Variants in HEATR5A observed in about 807,000 individuals in gnomAD.
HEATR5A encodes HEAT repeat-containing protein 5A.
HEATR5A carries 178 observed loss-of-function variants against 218.8 expected under a neutral mutation model. The observed-to-expected ratio is 0.81, with a 90% CI of 0.72 to 0.92. The LOEUF (loss-of-function observed/expected upper bound fraction) is 0.92. Among genes scored for constraint, HEATR5A ranks in the 40% least tolerant of loss-of-function variants. HEATR5A has a pLI of 0.00. For synonymous variants in HEATR5A, 864 were observed against 871.6 expected (o/e 0.99, Z 0.15); for missense variants, 2,420 against 2,418.9 (o/e 1.00, Z -0.01).
intron 16 of HEATR5A, among the ~76,000 whole-genome samples, chr14:31,354,575 A>G (rs1392624347): frequency 2.0e-5 from 3 of 152,230 alleles, no homozygotes; most frequent in Non-Finnish European, 1.5e-5. Flanking sequence ...ATACTGAATT[A>G]GTACTCATAA....
intron 1 of HEATR5A, among the ~76,000 whole-genome samples, chr14:31,414,942 G>T (rs1314030582): frequency 6.6e-6 from 1 of 152,166 alleles, no homozygotes; most frequent in East Asian, 1.9e-4. Flanking sequence ...CCAGGTTCCA[G>T]TGATTTTCCT....
At chr14:31,420,296 G>A (rs1275451385) in intron 1 of HEATR5A, 176 bp downstream of exon 1, 1 of 152,220 alleles carries the variant, frequency 6.6e-6, no homozygotes, top group Non-Finnish European at 1.5e-5. Flanking sequence ...CCCTCGACCG[G>A]TTCTCCCACC....
intron 16 of HEATR5A, among the ~76,000 whole-genome samples, chr14:31,358,004 T>C (rs190583786): frequency 9.6e-4 from 146 of 152,296 alleles, no homozygotes; most frequent in Middle Eastern, 3.4e-3. Flanking sequence ...AGATCAGCAG[T>C]GGCATTAGAT....
At position 31,312,414 on chromosome 14, in the gene HEATR5A, C is replaced by CT. The variant is rs1252761450; in HGVS notation, c.4441+553dup. Among the ~76,000 whole-genome samples the CT allele has an allele frequency of 3.0e-3, 414 of 137,546 alleles. 2 individuals carry two copies. Among genetic ancestry groups the CT allele is most frequent in the South Asian group, 4.0e-3 (17 of 4,288 alleles). 90.2% of individuals were successfully genotyped at this position (137,546 alleles called of 152,430 possible). A position where few individuals can be genotyped will look rare whatever the true frequency, so the allele number is the denominator to read the frequency against. On this transcript the variant is annotated intron_variant, in intron 28 of 35. Transcript: ENST00000543095. ...AAAACAAGTTGCTGGTGGGTGTGTCCTTTTTTTTTTTTTTTGAGACAGAGT... is the reference window on the plus strand; with the variant it reads ...AAAACAAGTTGCTGGTGGGTGTGTCCTTTTTTTTTTTTTTTTGAGACAGAGT...
intron 9 of HEATR5A, among the ~76,000 whole-genome samples, chr14:31,385,903 T>C (rs2030199969): frequency 6.6e-6 from 1 of 152,110 alleles, no homozygotes; most frequent in African/African-American, 2.4e-5. Context: ...AATTTTTCTA[T>C]TTTTAGTAGA....
chr14:31,345,045 A>G, intron 20 of HEATR5A, 42 bp downstream of exon 20: 1 of 1,519,546 alleles, frequency 6.6e-7, no homozygotes, highest in Non-Finnish European at 9.0e-7. Flanking sequence ...TTTTATGTGT[A>G]TTATTTTTAA....
chr14:31,411,897 C>G (rs750328867), intron 1 of HEATR5A, among the ~76,000 whole-genome samples: 1 of 151,724 alleles, frequency 6.6e-6, no homozygotes, highest in Non-Finnish European at 1.5e-5. Flanking sequence ...GTTCTCTTGC[C>G]CAGGCTAGAG....
At chr14:31,313,611 A>G (rs1899826040) in intron 27 of HEATR5A, among the ~76,000 whole-genome samples, 1 of 152,224 alleles carries the variant, frequency 6.6e-6, no homozygotes, top group Non-Finnish European at 1.5e-5. Flanking sequence ...AATAGATTTA[A>G]TATGGATTAT....
intron 21 of HEATR5A, among the ~76,000 whole-genome samples, chr14:31,341,328 T>TC (rs1252181474): frequency 6.6e-6 from 1 of 152,156 alleles, no homozygotes; most frequent in Non-Finnish European, 1.5e-5. Flanking sequence ...TATTTTTTTT[T>TC]CCTGCAGTAA....
intron 25 of HEATR5A, 148 bp from the exon 26 acceptor site, chr14:31,318,440 T>G (rs1327570257): frequency 1.6e-6 from 1 of 629,428 alleles, no homozygotes; most frequent in African/African-American, 1.8e-5. Flanking sequence ...TTCCCCTGTT[T>G]TTAGATAACA....
chr14:31,341,117 CTAAAT>C (rs1595115886), intron 21 of HEATR5A, among the ~76,000 whole-genome samples: 1 of 152,054 alleles, frequency 6.6e-6, no homozygotes, highest in African/African-American at 2.4e-5. Flanking sequence ...TATTGAGACA[CTAAAT>C]TAATACACTA....
At chr14:31,346,008 G>A (rs1341494824) in intron 19 of HEATR5A, among the ~76,000 whole-genome samples, 2 of 152,146 alleles carry the variant, frequency 1.3e-5, no homozygotes, top group Non-Finnish European at 2.9e-5. Context: ...ATTCATTGCA[G>A]TATACTTTCT....
chr14:31,291,891 T>TACAA lies in HEATR5A; in HGVS notation c.*1410_*1413dup, dbSNP rs1899045014. The TACAA allele has an allele frequency of 1.3e-5, 2 of 152,174 alleles. No homozygotes were observed. Among genetic ancestry groups the TACAA allele is most frequent in the Admixed American group, 1.3e-4 (2 of 15,270 alleles). The allele number at this position is 152,174 out of a possible 1,614,324, so 9.4% of individuals were successfully genotyped here. A position where few individuals can be genotyped will look rare whatever the true frequency, so the allele number is the denominator to read the frequency against. On this transcript the variant is annotated 3_prime_UTR_variant, in exon 36 of 36. Coordinates refer to ENST00000543095, the MANE Select transcript of HEATR5A (RefSeq NM_015473.4). ...TGAACAATTTACAATAGTATTTATA[T>TACAA]ACAAACATAATAAAATAGGTACATC...
chr14:31,386,168 T>G (rs1237061164), intron 9 of HEATR5A, among the ~76,000 whole-genome samples: 1 of 152,252 alleles, frequency 6.6e-6, no homozygotes, highest in Non-Finnish European at 1.5e-5. Context: ...TCAGGTTTAC[T>G]TCTCTGTAAG....
intron 22 of HEATR5A, among the ~76,000 whole-genome samples, chr14:31,334,977 C>T (rs1420493650): frequency 1.3e-5 from 2 of 148,326 alleles, no homozygotes; most frequent in Non-Finnish European, 1.5e-5. Context: ...AAAAAGAAAT[C>T]GCCACAGCCA....
intron 22 of HEATR5A, among the ~76,000 whole-genome samples, chr14:31,330,602 C>CA (rs1440008655): frequency 6.6e-6 from 1 of 151,958 alleles, no homozygotes; most frequent in African/African-American, 2.4e-5. Flanking sequence ...TCCTGGCTAA[C>CA]AAGTAGTGAA....
At position 31,319,411 on chromosome 14, in the gene HEATR5A, C is replaced by T. The variant is rs1166660042; in HGVS notation, c.3970-1119G>A. ...CAGGTGATCCGCCTACCTCGGCCTCCCAAAGTGCTGGGATTACAGGCATGA... is the reference window on the plus strand; with the variant it reads ...CAGGTGATCCGCCTACCTCGGCCTCTCAAAGTGCTGGGATTACAGGCATGA... On this transcript the variant is annotated intron_variant, in intron 25 of 35. Transcript: ENST00000543095. Among the ~76,000 whole-genome samples, 3 of 152,172 alleles carry T rather than the reference C, an allele frequency of 2.0e-5. No homozygotes were observed. In the East Asian group the frequency reaches 5.8e-4, roughly 29 times the overall value.
intron 12 of HEATR5A, among the ~76,000 whole-genome samples, chr14:31,374,223 T>A (rs1277111779): frequency 2.0e-5 from 3 of 146,414 alleles, no homozygotes; most frequent in Non-Finnish European, 4.4e-5. Context: ...AGAGGATCAC[T>A]AGCCCAGCAG....
Position 31,364,225 on chromosome 14 carries a change from C to A in HEATR5A, c.2035G>T (p.Glu679Ter). 1.3e-6 allele frequency: 2 copies of A among 1,551,670 alleles called. No individual in the cohort carries two copies. Among genetic ancestry groups the A allele is most frequent in the Non-Finnish European group, 1.7e-6 (2 of 1,144,106 alleles). The change falls in exon 14 of 36, where the codon GAA (glutamate) becomes TAA (stop). Residue 679 changes from glutamate to a stop codon, truncating the protein, a stop_gained. Coordinates refer to ENST00000543095, the MANE Select transcript of HEATR5A (RefSeq NM_015473.4). LOFTEE classifies it high-confidence loss of function. ...PSVVYRQRLY[E>*]LLILLPPETY... ...TCAGGAGGTAATAAAATCAACAGTT[C>A]ATAAAGTCTTTGTCTATAAACCACT...
Sources: gnomAD v4.1 joint callset for allele counts (sites outside exome capture counted in the v4.1 genomes callset) on GRCh38, gnomAD v4.1.1 for gene constraint, MANE v1.5 for transcripts, NCBI Gene and HGNC (gene_info 2026-07-23, HGNC 2026-07-21) for gene names.